Variants in SYNE1 observed in about 807,000 individuals in gnomAD.
SYNE1 encodes the protein nesprin-1.
In SYNE1, 616 loss-of-function variants were observed where a neutral mutation model predicts 1,111.0. The observed-to-expected ratio is 0.55, with a 90% CI of 0.52 to 0.59. The LOEUF is 0.59. SYNE1 is among the 20% of genes least tolerant of loss of function. SYNE1 has a pLI of 0.00. For missense variants in SYNE1, 10,006 were observed against 10,417.0 expected, an observed-to-expected ratio of 0.96 and a Z score of 1.72; for synonymous variants, 3,855 against 3,825.8, an observed-to-expected ratio of 1.01 and a Z score of -0.28.
chr6:152,344,913 T>C (rs556534566), intron 73 of SYNE1, among the ~76,000 whole-genome samples: 1 of 152,330 alleles, frequency 6.6e-6, no homozygotes, highest in South Asian at 2.1e-4. Flanking sequence ...AGAGAAAATA[T>C]ATCTGGGATG....
chr6:152,462,666 A>G lies in SYNE1; in HGVS notation c.2250+72T>C, dbSNP rs1291913935. On this transcript the variant is annotated intron_variant, in intron 20 of 145. Transcript: ENST00000367255. ...AGACACAGAAACAGCTTTTGCAATG[A>G]TCTGAATAAACTTGCTGATCTTTCC... 4 of 1,588,570 alleles carry G rather than the reference A, an allele frequency of 2.5e-6. No homozygotes were observed. In the Admixed American group the frequency reaches 6.7e-5, roughly 27 times the overall value.
chr6:152,577,775 G>C (rs1336082779), intron 3 of SYNE1, among the ~76,000 whole-genome samples: 1 of 136,662 alleles, frequency 7.3e-6, no homozygotes, highest in Non-Finnish European at 1.5e-5. Context: ...TGAGTTTTCT[G>C]TTTTGTTTTT....
intron 3 of SYNE1, among the ~76,000 whole-genome samples, chr6:152,562,183 A>T (rs1292980921): frequency 1.3e-5 from 2 of 152,208 alleles, no homozygotes; most frequent in Non-Finnish European, 2.9e-5. Context: ...AATATGCAAA[A>T]TATGTTAGAA....
intron 117 of SYNE1, among the ~76,000 whole-genome samples, chr6:152,223,156 TATTAA>T (rs2080573756): frequency 1.3e-5 from 2 of 152,356 alleles, no homozygotes; most frequent in East Asian, 3.9e-4. Context: ...ACATAACATA[TATTAA>T]ATTAAAAAGC....
chr6:152,632,212 C>G (rs932955300), intron 2 of SYNE1, among the ~76,000 whole-genome samples: 1 of 152,180 alleles, frequency 6.6e-6, no homozygotes, highest in Non-Finnish European at 1.5e-5. Context: ...CTGACCACAT[C>G]CTAGGCCCCC....
intron 63 of SYNE1, among the ~76,000 whole-genome samples, chr6:152,363,114 C>T (rs1171376558): frequency 6.6e-6 from 1 of 151,230 alleles, no homozygotes; most frequent in Non-Finnish European, 1.5e-5. Flanking sequence ...ATCTCCTGAC[C>T]TTGTGATCTG....
chr6:152,464,564 A>G (rs913234106), intron 18 of SYNE1, among the ~76,000 whole-genome samples: 12 of 152,198 alleles, frequency 7.9e-5, no homozygotes, highest in African/African-American at 2.7e-4. Context: ...ACAATAATAG[A>G]TGAACCAATC....
chr6:152,369,257 A>C (rs953202144), intron 60 of SYNE1, 130 bp from the exon 61 acceptor site: 1 of 1,368,056 alleles, frequency 7.3e-7, no homozygotes, highest in Non-Finnish European at 1.0e-6. Context: ...TATTATCTCC[A>C]ATCTACACAC....
intron 3 of SYNE1, among the ~76,000 whole-genome samples, chr6:152,566,031 G>A (rs1448533958): frequency 6.6e-6 from 1 of 152,154 alleles, no homozygotes; most frequent in Non-Finnish European, 1.5e-5. Flanking sequence ...TAAACCTAAT[G>A]TCCTTGTAAA....
At chr6:152,194,261 G>A (rs77580838) in intron 127 of SYNE1, among the ~76,000 whole-genome samples, 9,884 of 152,078 alleles carry the variant, frequency 0.065, 379 homozygotes, top group African/African-American at 0.11. Context: ...ATTGAAAGAC[G>A]TTTTCACTGG....
chr6:152,136,821 G>A lies in SYNE1; in HGVS notation c.25459-3C>T. The A allele has an allele frequency of 6.2e-7, 1 of 1,614,030 alleles. No homozygotes were observed. The highest frequency in any genetic ancestry group is 8.5e-7 in the Non-Finnish European group (1 of 1,179,922). On this transcript the variant is annotated splice_polypyrimidine_tract_variant and splice_region_variant and intron_variant, in intron 140 of 145. Transcript: ENST00000367255. ...TGGTCCACAGCTTTCTGGAGCTCCT[G>A]AAAAGAACAAAAAAGACAATCAAAC...
At position 152,340,860 on chromosome 6, in the gene SYNE1, C is replaced by T. The variant is rs543444806; in HGVS notation, c.12226-1494G>A. Among the ~76,000 whole-genome samples, 5 of 152,260 alleles carry T rather than the reference C, an allele frequency of 3.3e-5. No homozygotes were observed. In the South Asian group the frequency reaches 1.0e-3, roughly 32 times the overall value. On this transcript the variant is annotated intron_variant, in intron 74 of 145. Coordinates refer to ENST00000367255, the MANE Select transcript of SYNE1 (RefSeq NM_182961.4). ...ATGGTGTCCAGGTGTTAGGCTACTG[C>T]AGGGATCAGATGAACCATGAAGATG...
intron 21 of SYNE1, among the ~76,000 whole-genome samples, chr6:152,459,522 C>A (rs1292324454): frequency 1.3e-5 from 2 of 152,192 alleles, no homozygotes; most frequent in Non-Finnish European, 2.9e-5. Context: ...CCAATTTATT[C>A]ATGAAGCTTC....
Position 152,206,307 on chromosome 6 carries a change from G to T in SYNE1, c.22880C>A (p.Ala7627Asp), listed in dbSNP as rs2076497697. The T allele has an allele frequency of 3.7e-6, 6 of 1,613,944 alleles. No individual in the cohort carries two copies. Among genetic ancestry groups the T allele is most frequent in the African/African-American group, 1.3e-5 (1 of 74,948 alleles). ...CGCCGAGAGAAGGAGTTGCTTGCCA[G>T]CCTCCACAGTCAGGATGTAGCTGCC... ...QQGSYILTVE[A>D]GKQLLLSADS... The change falls in exon 126 of 146, where the codon GCT becomes GAT. Residue 7627 changes from alanine (A) to aspartate (D), a missense_variant. Ala to Asp is a moderately radical substitution (Grantham distance 126). Around this residue, in one of 7 missense-constraint regions of SYNE1, gnomAD observed 2,182 missense variants for 2,287.8 expected, o/e 0.95. Transcript: ENST00000367255.
intron 131 of SYNE1, among the ~76,000 whole-genome samples, chr6:152,160,216 C>T (rs941994862): frequency 3.9e-5 from 6 of 152,104 alleles, no homozygotes; most frequent in Non-Finnish European, 7.4e-5. Context: ...CCATGTTGGC[C>T]AGGATGGTCT....
intron 6 of SYNE1, among the ~76,000 whole-genome samples, chr6:152,516,700 T>A (rs1285969204): frequency 6.6e-6 from 1 of 152,166 alleles, no homozygotes; most frequent in African/African-American, 2.4e-5. Flanking sequence ...CACCTCAGCC[T>A]CTCGAGTAGC....
chr6:152,391,242 A>G, intron 52 of SYNE1, 35 bp downstream of exon 52: 1 of 1,613,070 alleles, frequency 6.2e-7, no homozygotes, highest in Non-Finnish European at 8.5e-7. Flanking sequence ...ATTAGCATTC[A>G]GCAGTTGTCA....
chr6:152,191,283 ATAG>A (rs1279365331), intron 127 of SYNE1, among the ~76,000 whole-genome samples: 2 of 150,342 alleles, frequency 1.3e-5, no homozygotes, highest in Admixed American at 6.6e-5. Flanking sequence ...TAGCAGGGTA[ATAG>A]TAGCCTTGTA....
At chr6:152,134,845 T>A (rs1473829972) in intron 142 of SYNE1, 3 of 465,578 alleles carry the variant, frequency 6.4e-6, no homozygotes, top group African/African-American at 3.9e-5. Context: ...TAATTAAGAT[T>A]GCTTGAGAAC....
Sources: allele counts gnomAD v4.1 joint callset (sites outside exome capture counted in the v4.1 genomes callset), GRCh38; gene constraint gnomAD v4.1.1; regional missense constraint gnomAD v4.1.1; transcripts MANE v1.5; gene names NCBI Gene and HGNC (gene_info 2026-07-23, HGNC 2026-07-21).